Variants in ABLIM2 observed in about 807,000 individuals in gnomAD.
ABLIM2 encodes the protein actin-binding LIM protein 2.
Under a neutral mutation model 97.7 loss-of-function variants are expected in ABLIM2, and 53 were observed. The ratio of observed to expected loss-of-function variants is 0.54; its 90% CI spans 0.44 to 0.68. The LOEUF (loss-of-function observed/expected upper bound fraction) is 0.68, where lower values mean the gene tolerates loss of function less well. Among genes scored for constraint, ABLIM2 ranks in the 30% least tolerant of loss-of-function variants. ABLIM2 has a pLI of 0.00. For synonymous variants in ABLIM2, 361 were observed against 345.8 expected (o/e 1.04, Z -0.49); for missense variants, 835 against 867.2 (o/e 0.96, Z 0.47).
At chr4:7,978,359 A>T (rs1377464426) in intron 20 of ABLIM2, among the ~76,000 whole-genome samples, 1 of 152,126 alleles carries the variant, frequency 6.6e-6, no homozygotes, top group Non-Finnish European at 1.5e-5. Flanking sequence ...AGTGATTAAA[A>T]CCATTACCCA....
In ABLIM2 at chr4:8,101,215, T is replaced by A. The variant is rs1834410571; in HGVS notation, c.155-3933A>T. On this transcript the variant is annotated intron_variant, in intron 2 of 20. Coordinates refer to ENST00000447017, the MANE Select transcript of ABLIM2 (RefSeq NM_001130083.2). ...TCCAGGGCTGGCCGGGCATCGCAGC[T>A]CCGAGTCTTGGCCCAGCCCGGCTCA... Among the ~76,000 whole-genome samples, 3 of 152,208 alleles carry A rather than the reference T, an allele frequency of 2.0e-5. No individual in the cohort carries two copies. In the South Asian group the frequency reaches 6.2e-4, roughly 31 times the overall value.
chr4:8,007,008 T>C lies in ABLIM2; in HGVS notation c.1618+1051A>G, dbSNP rs900213302. The stretch of plus-strand genomic sequence containing the variant: ...CACAGACACCTGCTTACAGAGATCA[T>C]ACACAAGCAACACACCTTTCTTTGT... On this transcript the variant is annotated intron_variant, in intron 16 of 20. Coordinates refer to ENST00000447017, the MANE Select transcript of ABLIM2 (RefSeq NM_001130083.2). 6.1e-6 allele frequency: 6 copies of C among 985,190 alleles called. No homozygotes were observed. The African/African-American group carries it at 8.7e-5, about 14-fold the overall frequency. 61.0% of individuals were successfully genotyped at this position (985,190 alleles called of 1,614,324 possible).
chr4:8,154,152 T>C (rs111960497), intron 1 of ABLIM2, among the ~76,000 whole-genome samples: 9,370 of 151,366 alleles, frequency 0.062, 419 homozygotes, highest in African/African-American at 0.12. Flanking sequence ...TTAGTAGAGA[T>C]GGGGTTTCAC....
chr4:8,062,107 C>T (rs1322779191), intron 6 of ABLIM2, among the ~76,000 whole-genome samples: 1 of 152,242 alleles, frequency 6.6e-6, no homozygotes, highest in Middle Eastern at 3.2e-3. Context: ...TCCACTGGAG[C>T]AGCCCTCCCA....
chr4:8,145,689 C>T (rs184322091), intron 1 of ABLIM2, among the ~76,000 whole-genome samples: 1 of 151,510 alleles, frequency 6.6e-6, no homozygotes, highest in Non-Finnish European at 1.5e-5. Flanking sequence ...TGCTCCAGAG[C>T]AGAACTCCCT....
At chr4:8,086,524 T>C (rs1823780400) in intron 4 of ABLIM2, among the ~76,000 whole-genome samples, 1 of 152,060 alleles carries the variant, frequency 6.6e-6, no homozygotes, top group Admixed American at 6.6e-5. Flanking sequence ...ATTTTTGTAC[T>C]TTTATTAGAG....
chr4:8,131,311 T>G (rs1357861508), intron 1 of ABLIM2, among the ~76,000 whole-genome samples: 1 of 152,236 alleles, frequency 6.6e-6, no homozygotes, highest in Non-Finnish European at 1.5e-5. Flanking sequence ...TTCCTTGTGA[T>G]GTGCTCTACT....
chr4:8,117,808 T>C (rs1843463196), intron 1 of ABLIM2, among the ~76,000 whole-genome samples: 1 of 152,170 alleles, frequency 6.6e-6, no homozygotes, highest in Non-Finnish European at 1.5e-5. Context: ...TCCTGGCCAA[T>C]TCCCATGTGG....
Position 8,080,687 on chromosome 4 carries a change from C to T in ABLIM2, c.570G>A (p.Glu190=), listed in dbSNP as rs375403810. The T allele has an allele frequency of 4.4e-6, 7 of 1,607,576 alleles. No homozygotes were observed. In the African/African-American group the frequency reaches 9.4e-5, roughly 21 times the overall value. ...CKSCGKLLNA[E]YISKDGLPYC... ...CTCCCCCCACTTACTTGCTGATGTA[C>T]TCGGCATTCAGGAGCTTCCCACAGC... Residue 190 remains glutamate, a synonymous_variant, in exon 5 of 21, where the codon GAG becomes GAA. Transcript: ENST00000447017.
chr4:8,027,851 G>A lies in ABLIM2; in HGVS notation c.1175C>T (p.Thr392Ile). 6.3e-7 allele frequency: 1 copy of A among 1,591,054 alleles called. No individual in the cohort carries two copies. The highest frequency in any genetic ancestry group is 8.5e-7 in the Non-Finnish European group (1 of 1,169,642). The stretch of plus-strand genomic sequence containing the variant: ...GCAGCTACTGGTACCCACACTCACA[G>A]TACCAGCTACGGGGTAACAGAGAGC... The part of the protein sequence containing the change: ...SPQHYSRPAG[T>I]VSVGTSSCLS... Residue 392 changes from threonine to isoleucine, a missense_variant, in exon 12 of 21, where the codon ACT (threonine) becomes ATT (isoleucine). Physicochemically the swap from Thr to Ile is moderately conservative, Grantham distance 89 (BLOSUM62 -1). Coordinates refer to ENST00000447017, the MANE Select transcript of ABLIM2 (RefSeq NM_001130083.2).
chr4:8,017,725 G>A (rs933466666), intron 14 of ABLIM2, among the ~76,000 whole-genome samples: 6 of 152,132 alleles, frequency 3.9e-5, no homozygotes, highest in South Asian at 4.1e-4. Flanking sequence ...CAGGTGCAGC[G>A]GCTCACCCCT....
chr4:8,099,403 A>G (rs1316375317), intron 2 of ABLIM2, among the ~76,000 whole-genome samples: 2 of 152,154 alleles, frequency 1.3e-5, no homozygotes, highest in African/African-American at 4.8e-5. Context: ...AACATGTGGC[A>G]GTGGTTCTGG....
In ABLIM2 at chr4:8,018,189, G is replaced by A. The variant is rs548516883; in HGVS notation, c.1423+1429C>T. On this transcript the variant is annotated intron_variant, in intron 14 of 20. Transcript: ENST00000447017. ...GCAGACCCCCTCCTGTCCTGCACAT[G>A]TTAATCACACATTTTAAGGCACCAA... 1.8e-4 allele frequency among the ~76,000 whole-genome samples: 28 copies of A among 152,292 alleles called. No homozygotes were observed. The East Asian group carries it at 5.4e-3, about 29-fold the overall frequency.
At chr4:8,100,607 G>A (rs1834032976) in intron 2 of ABLIM2, among the ~76,000 whole-genome samples, 1 of 152,080 alleles carries the variant, frequency 6.6e-6, no homozygotes, top group African/African-American at 2.4e-5. Flanking sequence ...CTAGCTGGGT[G>A]TGGTGGTGCA....
At chr4:8,017,224 C>T (rs984705581) in intron 14 of ABLIM2, among the ~76,000 whole-genome samples, 17 of 152,116 alleles carry the variant, frequency 1.1e-4, no homozygotes, top group Non-Finnish European at 1.9e-4. Flanking sequence ...CATGACCATT[C>T]CTGACTGTTC....
intron 20 of ABLIM2, among the ~76,000 whole-genome samples, chr4:7,973,512 A>G (rs76621440): frequency 3.4e-4 from 51 of 151,564 alleles, no homozygotes; most frequent in Admixed American, 3.1e-3. Context: ...AAAAAAAAAA[A>G]AGAGAGAAAA....
At chr4:8,131,863 ATCCCCTGCACAGCAGCCCG>A (rs1849473658) in intron 1 of ABLIM2, among the ~76,000 whole-genome samples, 3 of 126,410 alleles carry the variant, frequency 2.4e-5, no homozygotes, top group Non-Finnish European at 3.3e-5. Context: ...AGCAGCCCGC[ATCCCCTGCACAGCAGCCCG>A]CATCCCCTGC....
chr4:8,059,973 G>A (rs1193946185), intron 7 of ABLIM2, among the ~76,000 whole-genome samples: 1 of 151,136 alleles, frequency 6.6e-6, no homozygotes, highest in Non-Finnish European at 1.5e-5. Context: ...GCCCCTGCGT[G>A]TCCTGTGTGT....
At chr4:8,153,134 C>A (rs2152960697) in intron 1 of ABLIM2, among the ~76,000 whole-genome samples, 1 of 152,250 alleles carries the variant, frequency 6.6e-6, no homozygotes, top group African/African-American at 2.4e-5. Flanking sequence ...ACAAGACAGG[C>A]CCCTTCATCT....
Sources: gnomAD v4.1 joint callset for allele counts (sites outside exome capture counted in the v4.1 genomes callset) on GRCh38, gnomAD v4.1.1 for gene constraint, MANE v1.5 for transcripts, NCBI Gene and HGNC (gene_info 2026-07-23, HGNC 2026-07-21) for gene names.